The following SYT1 variants were observed in gnomAD, a reference collection of about 807,000 sequenced individuals.
SYT1 encodes the protein synaptotagmin 1, also known as synaptotagmin-1.
Under a neutral mutation model 44.8 loss-of-function variants are expected in SYT1, and 8 were observed. The observed-to-expected ratio is 0.18, with a 90% CI of 0.10 to 0.32. The LOEUF (loss-of-function observed/expected upper bound fraction) is 0.32. Ranked by LOEUF, SYT1 falls within the 10% of genes least tolerant of loss-of-function variation. The pLI, the probability that SYT1 is intolerant of heterozygous loss-of-function variation, is 1.00. For missense variants in SYT1, 286 were observed against 509.3 expected, an observed-to-expected ratio of 0.56 and a Z score of 4.22; for synonymous variants, 154 against 188.8, an observed-to-expected ratio of 0.82 and a Z score of 1.51.
rs1491364410 is a variant in SYT1, at chr12:79,293,406, A to AAAATAAAATAAAATAAAATT, written c.474+1280_474+1281insAAAATAAAATAAAATTAAAT. Among the ~76,000 whole-genome samples the AAAATAAAATAAAATAAAATT allele has an allele frequency of 3.8e-4, 24 of 63,762 alleles. 1 individual carries two copies. The highest frequency in any genetic ancestry group is 2.1e-3 in the East Asian group (3 of 1,396). 41.8% of individuals were successfully genotyped at this position (63,762 alleles called of 152,430 possible). A position where few individuals can be genotyped will look rare whatever the true frequency, so the allele number is the denominator to read the frequency against. On this transcript the variant is annotated intron_variant, in intron 6 of 10. Coordinates refer to ENST00000261205, the MANE Select transcript of SYT1 (RefSeq NM_005639.3). ...AAAATAAAATAAAATAAAATAAAATAAAATTAAAAAATCTGTAAGACATAG... is the reference window on the plus strand; with the variant it reads ...AAAATAAAATAAAATAAAATAAAATAAAATAAAATAAAATAAAATTAAATTAAAAAATCTGTAAGACATAG...
intron 3 of SYT1, among the ~76,000 whole-genome samples, chr12:79,181,214 C>T (rs532393599): frequency 9.2e-5 from 14 of 152,060 alleles, no homozygotes; most frequent in African/African-American, 2.6e-4. Flanking sequence ...AACTAATCCA[C>T]GTTTACAATT....
chr12:79,206,146 CAAA>C (rs1198175857), intron 3 of SYT1, among the ~76,000 whole-genome samples: 1 of 150,924 alleles, frequency 6.6e-6, no homozygotes, highest in African/African-American at 2.5e-5. Flanking sequence ...ACAAAAAAAA[CAAA>C]AATAAAAGCA....
At chr12:78,934,190 A>C (rs540630768) in intron 1 of SYT1, among the ~76,000 whole-genome samples, 11 of 150,786 alleles carry the variant, frequency 7.3e-5, no homozygotes, top group South Asian at 2.1e-4. Flanking sequence ...ACACACACAC[A>C]CCATACCTGT....
At chr12:79,040,772 C>G (rs1436193700) in intron 2 of SYT1, among the ~76,000 whole-genome samples, 2 of 152,054 alleles carry the variant, frequency 1.3e-5, no homozygotes, top group South Asian at 2.1e-4. Context: ...ACGTTTAAGT[C>G]TTTAATCCAT....
chr12:79,179,551 A>ATCTATATAGATATATAGATATG (rs1207781312), intron 3 of SYT1, among the ~76,000 whole-genome samples: 4 of 134,716 alleles, frequency 3.0e-5, no homozygotes, highest in African/African-American at 5.7e-5. Flanking sequence ...ATAGAGATAT[A>ATCTATATAGATATATAGATATG]GATATAGATT....
chr12:79,118,271 A>T (rs1187477647), intron 3 of SYT1, among the ~76,000 whole-genome samples: 9 of 152,184 alleles, frequency 5.9e-5, no homozygotes. Context: ...ATTGAACTCC[A>T]CTAAAACTAT....
chr12:79,396,245 G>A (rs1490336731), intron 9 of SYT1, among the ~76,000 whole-genome samples: 1 of 152,098 alleles, frequency 6.6e-6, no homozygotes, highest in Non-Finnish European at 1.5e-5. Flanking sequence ...AGAAGGATTG[G>A]TTGATGTCAT....
intron 8 of SYT1, among the ~76,000 whole-genome samples, chr12:79,339,344 T>G (rs977608422): frequency 6.6e-6 from 1 of 152,228 alleles, no homozygotes; most frequent in Non-Finnish European, 1.5e-5. Context: ...GTTTCCTGAC[T>G]TTTTAATGAT....
chr12:79,372,296 A>C (rs989320235), intron 9 of SYT1, among the ~76,000 whole-genome samples: 95 of 152,356 alleles, frequency 6.2e-4, no homozygotes, highest in African/African-American at 2.2e-3. Context: ...TTTAACATAT[A>C]GTATGAACTG....
intron 9 of SYT1, among the ~76,000 whole-genome samples, chr12:79,392,009 A>G (rs1338007506): frequency 3.3e-5 from 5 of 152,180 alleles, no homozygotes; most frequent in African/African-American, 9.7e-5. Flanking sequence ...TCCACACCAC[A>G]TGAACAGCAC....
chr12:79,042,053 C>G (rs1326169236), intron 2 of SYT1, among the ~76,000 whole-genome samples: 2 of 150,228 alleles, frequency 1.3e-5, no homozygotes, highest in Non-Finnish European at 3.0e-5. Context: ...ATTTTTGCAT[C>G]AATGTTCATC....
At chr12:79,232,458 T>C (rs1408535872) in intron 4 of SYT1, among the ~76,000 whole-genome samples, 2 of 152,188 alleles carry the variant, frequency 1.3e-5, no homozygotes, top group African/African-American at 4.8e-5. Flanking sequence ...GTATTATCCA[T>C]AGTTTTTCTT....
At chr12:79,357,387 A>C (rs1334143448) in intron 9 of SYT1, among the ~76,000 whole-genome samples, 2 of 152,210 alleles carry the variant, frequency 1.3e-5, no homozygotes, top group African/African-American at 4.8e-5. Context: ...ATACATTTTG[A>C]GAAATGTATC....
intron 2 of SYT1, among the ~76,000 whole-genome samples, chr12:79,001,122 A>T (rs1870710637): frequency 6.6e-6 from 1 of 152,164 alleles, no homozygotes; most frequent in Admixed American, 6.6e-5. Context: ...AAGGGGCTCC[A>T]GGAGATTTCT....
At chr12:79,052,162 A>C (rs1206680189) in intron 3 of SYT1, among the ~76,000 whole-genome samples, 1 of 152,184 alleles carries the variant, frequency 6.6e-6, no homozygotes, top group Non-Finnish European at 1.5e-5. Flanking sequence ...ACCCACGAGC[A>C]TGGAATGCTC....
At chr12:79,046,598 G>A (rs1032352053) in intron 2 of SYT1, 4 of 151,958 alleles carry the variant, frequency 2.6e-5, no homozygotes, top group Non-Finnish European at 5.9e-5. Context: ...TCTTTAAACT[G>A]AAAGTTTATC....
At chr12:79,092,370 T>C (rs1266347319) in intron 3 of SYT1, among the ~76,000 whole-genome samples, 1 of 151,782 alleles carries the variant, frequency 6.6e-6, no homozygotes, top group Non-Finnish European at 1.5e-5. Context: ...AGCAAATAAC[T>C]ATATTGTTAT....
At chr12:78,925,167 T>C (rs1464756859) in intron 1 of SYT1, among the ~76,000 whole-genome samples, 1 of 151,960 alleles carries the variant, frequency 6.6e-6, no homozygotes, top group Non-Finnish European at 1.5e-5. Context: ...ATCAACACCT[T>C]GGAGTTCATT....
At chr12:79,300,124 A>G (rs1001020053) in intron 8 of SYT1, among the ~76,000 whole-genome samples, 2 of 152,094 alleles carry the variant, frequency 1.3e-5, no homozygotes, top group South Asian at 4.1e-4. Flanking sequence ...CACATTGTTT[A>G]TTCCCAGTTT....
Sources: gnomAD v4.1 joint callset for allele counts (sites outside exome capture counted in the v4.1 genomes callset) on GRCh38, gnomAD v4.1.1 for gene constraint, MANE v1.5 for transcripts, NCBI Gene and HGNC (gene_info 2026-07-23, HGNC 2026-07-21) for gene names.